The following FLNC variants were observed in gnomAD, a reference collection of about 807,000 sequenced individuals.
FLNC encodes filamin-C.
Under a neutral mutation model 254.3 loss-of-function variants are expected in FLNC, and 91 were observed. The observed-to-expected ratio is 0.36, with a 90% confidence interval of 0.30 to 0.43. The LOEUF (loss-of-function observed/expected upper bound fraction) is 0.43, where lower values mean the gene tolerates loss of function less well. FLNC is among the 20% of genes least tolerant of loss of function. FLNC has a pLI of 1.00. For missense variants in FLNC, 2,853 were observed against 3,802.6 expected (o/e 0.75, Z 6.57); for synonymous variants, 1,430 against 1,577.2 (o/e 0.91, Z 2.21).
intron 6 of FLNC, 21 bp downstream of exon 6, chr7:128,838,085 C>T: frequency 6.3e-7 from 1 of 1,595,762 alleles, no homozygotes; most frequent in East Asian, 2.2e-5. Context: ...CTAGGCCCCC[C>T]TGCCTGCGCT....
At position 128,842,288 on chromosome 7, in the gene FLNC, C is replaced by T. The variant is rs752627571; in HGVS notation, c.2179C>T (p.Arg727Cys). 22 of 1,613,854 alleles carry T rather than the reference C, an allele frequency of 1.4e-5. No individual in the cohort carries two copies. The highest frequency in any genetic ancestry group is 1.8e-5 in the Non-Finnish European group (21 of 1,179,992). The change falls in exon 14 of 48, where the codon CGC becomes TGC. Residue 727 changes from arginine (R) to cysteine (C), a missense_variant. Arg to Cys is a radical substitution (Grantham distance 180). This residue lies in a region of FLNC where 1,573 missense variants were observed against 1,883.5 expected (regional missense o/e 0.84). Coordinates refer to ENST00000325888, the MANE Select transcript of FLNC (RefSeq NM_001458.5). The surrounding 1 kb of genome is among the most constrained non-coding windows in gnomAD (Gnocchi z 5.4). ...KVIPNGDGTF[R>C]CSYVPTKPIK... ...GATCCCCAACGGCGACGGCACCTTC[C>T]GCTGCTCCTACGTGCCCACCAAGCC...
At position 128,830,778 on chromosome 7, in the gene FLNC, T is replaced by C. The variant is rs1331955110; in HGVS notation, c.141T>C (p.Asn47=). Residue 47 remains asparagine, a synonymous_variant, in exon 1 of 48, where the codon AAT becomes AAC. Coordinates refer to ENST00000325888, the MANE Select transcript of FLNC (RefSeq NM_001458.5). Reference sequence around the variant, plus strand: ...AGAACACATTCACGCGCTGGTGCAATGAGCACCTCAAGTGCGTGGGCAAGC... The same window carrying C: ...AGAACACATTCACGCGCTGGTGCAACGAGCACCTCAAGTGCGTGGGCAAGC... ...IQQNTFTRWC[N]EHLKCVGKRL... is the part of the protein sequence containing the mutation. 6.2e-6 allele frequency: 10 copies of C among 1,613,038 alleles called. No homozygotes were observed. Among genetic ancestry groups the C allele is most frequent in the South Asian group, 2.2e-5 (2 of 91,090 alleles).
chr7:128,850,993 G>T, intron 33 of FLNC, 50 bp downstream of exon 33: 1 of 1,594,108 alleles, frequency 6.3e-7, no homozygotes, highest in South Asian at 1.1e-5. Flanking sequence ...GGAGCAGGCC[G>T]TAGCTTCAGT....
In FLNC at chr7:128,837,488, C is replaced by T; in HGVS notation, c.790C>T (p.Pro264Ser). The change falls in exon 4 of 48, where the codon CCT (proline) becomes TCT (serine). Residue 264 changes from proline (P) to serine (S), a missense_variant. By Grantham distance (74) the Pro-to-Ser change is moderately conservative. Coordinates refer to ENST00000325888, the MANE Select transcript of FLNC (RefSeq NM_001458.5). ...CCAGTTCCCCAAGGCCAAGCTCAAA[C>T]CTGGTGCCCCTGTTCGATCCAAGCA... ...LSQFPKAKLK[P>S]GAPVRSKQLN... 1.2e-6 allele frequency: 2 copies of T among 1,614,216 alleles called. No individual in the cohort carries two copies. Among genetic ancestry groups the T allele is most frequent in the South Asian group, 1.1e-5 (1 of 91,086 alleles).
rs761448496 is a variant in FLNC at position 128,839,997 on chromosome 7, C to T, written c.1412-26C>T. 9.3e-6 allele frequency: 15 copies of T among 1,609,544 alleles called. No individual in the cohort carries two copies. The East Asian group carries it at 2.5e-4, about 26-fold the overall frequency. On this transcript the variant is annotated intron_variant, in intron 8 of 47. Transcript: ENST00000325888. ...GTGGTCCAAGGCCCCTCAGCACCCC[C>T]AACCTCCTTTCTCTTCCTCCCCTAG...
At chr7:128,851,084 C>A (rs1808789197) in intron 33 of FLNC, 141 bp downstream of exon 33, 1 of 1,513,334 alleles carries the variant, frequency 6.6e-7, no homozygotes, top group South Asian at 1.1e-5. Context: ...GAGGCTTATA[C>A]CCTGGTGGGA....
Position 128,853,498 on chromosome 7 carries a change from G to C in FLNC, c.6238G>C (p.Gly2080Arg), listed in dbSNP as rs1808912488. ...TGGGGGCTTGGGGCTGAGTATTGAA[G>C]GCCCAAGCAAGGTGGACATCAACTG... The part of the protein sequence containing the change: ...GYGGLGLSIE[G>R]PSKVDINCED... The change falls in exon 38 of 48, where the codon GGC becomes CGC. Residue 2080 changes from glycine (G) to arginine (R), a missense_variant. Around this residue, in one of 10 missense-constraint regions of FLNC, gnomAD observed 551 missense variants for 835.0 expected, o/e 0.66. Transcript: ENST00000325888. 1 of 1,614,096 alleles carries C rather than the reference G, an allele frequency of 6.2e-7. No homozygotes were observed. The highest frequency in any genetic ancestry group is 8.5e-7 in the Non-Finnish European group (1 of 1,180,028).
At chr7:128,840,514 T>C (rs1184280226) in intron 9 of FLNC, 34 bp from the exon 10 acceptor site, 2 of 1,614,002 alleles carry the variant, frequency 1.2e-6, no homozygotes, top group South Asian at 2.2e-5. Context: ...GATATTGATC[T>C]GCCTTCTTCC....
chr7:128,843,061 G>T, intron 16 of FLNC, 107 bp downstream of exon 16: 1 of 1,464,152 alleles, frequency 6.8e-7, no homozygotes, highest in Non-Finnish European at 9.4e-7. Context: ...CAGACATGGT[G>T]GAGCCCTACC....
In FLNC at chr7:128,858,688, G is replaced by C; in HGVS notation, c.*165G>C. ...GAAGGCCCAGCCTCCCCACCCCACC[G>C]CGCCCCAGGGGTTGGAGGACCTTGT... is the stretch of plus-strand genomic sequence containing the variant. On this transcript the variant is annotated 3_prime_UTR_variant, in exon 48 of 48. Coordinates refer to ENST00000325888, the MANE Select transcript of FLNC (RefSeq NM_001458.5). This position sits in a 1 kb window ranked among gnomAD's most constrained non-coding sequence, Gnocchi z 6.7. 1.5e-6 allele frequency: 1 copy of C among 645,644 alleles called. No individual in the cohort carries two copies. Among genetic ancestry groups the C allele is most frequent in the Non-Finnish European group, 2.8e-6 (1 of 360,238 alleles). 40.0% of individuals were successfully genotyped at this position (645,644 alleles called of 1,614,324 possible).
rs141066311 is a variant in FLNC, at chr7:128,832,479, G to T, written c.352+1490G>T. On this transcript the variant is annotated intron_variant, in intron 1 of 47. Coordinates refer to ENST00000325888, the MANE Select transcript of FLNC (RefSeq NM_001458.5). ...GTGGGGTCTGGGGGAAGAGCCGGAG[G>T]CTTCGGCAAGACATATAGGAAACCG... Among the ~76,000 whole-genome samples, 10 of 152,348 alleles carry T rather than the reference G, an allele frequency of 6.6e-5. No homozygotes were observed. In the East Asian group the frequency reaches 1.3e-3, roughly 21 times the overall value.
At position 128,840,688 on chromosome 7, in the gene FLNC, GC is replaced by G; in HGVS notation, c.1676+20del. 1.9e-6 allele frequency: 3 copies of G among 1,612,672 alleles called. No homozygotes were observed. The highest frequency in any genetic ancestry group is 2.5e-6 in the Non-Finnish European group (3 of 1,179,268). Reference sequence around the variant, plus strand: ...CATCCCTCGCAGGTGAGTACCTTGCGCCCCCCATGCTGTCCTGTCTAGGCCA... The same window carrying G: ...CATCCCTCGCAGGTGAGTACCTTGCGCCCCCATGCTGTCCTGTCTAGGCCA... On this transcript the variant is annotated intron_variant, in intron 10 of 47. Transcript: ENST00000325888.
intron 30 of FLNC, 41 bp downstream of exon 30, chr7:128,849,619 G>T (rs368858405): frequency 1.9e-6 from 3 of 1,607,632 alleles, no homozygotes; most frequent in Non-Finnish European, 2.6e-6. Context: ...GGCTGGGGAG[G>T]GGGGCCTGGC....
At chr7:128,839,650 T>G (rs1319143782) in intron 8 of FLNC, among the ~76,000 whole-genome samples, 1 of 152,230 alleles carries the variant, frequency 6.6e-6, no homozygotes, top group African/African-American at 2.4e-5. Flanking sequence ...CATTGCTGGA[T>G]GTTTTGTGGC....
Position 128,852,616 on chromosome 7 carries a change from G to T in FLNC, c.5868G>T (p.Gln1956His), listed in dbSNP as rs1808866943. The T allele has an allele frequency of 6.2e-7, 1 of 1,613,314 alleles. No individual in the cohort carries two copies. Among genetic ancestry groups the T allele is most frequent in the South Asian group, 1.1e-5 (1 of 91,082 alleles). ...ITGDDSMRTS[Q>H]LNVGTSTDVS... ...GTGATGACTCCATGAGGACCTCACAGCTGAATGTGGGCACCTCCACGGACG... is the reference window on the plus strand; with the variant it reads ...GTGATGACTCCATGAGGACCTCACATCTGAATGTGGGCACCTCCACGGACG... Residue 1956 changes from glutamine (Q) to histidine (H), a missense_variant, in exon 36 of 48, where the codon CAG becomes CAT. Physicochemically the swap from Gln to His is conservative, Grantham distance 24. This residue lies in a region of FLNC where 551 missense variants were observed against 835.0 expected (regional missense o/e 0.66). Transcript: ENST00000325888.
At chr7:128,845,958 C>G in intron 21 of FLNC, 32 bp from the exon 22 acceptor site, 1 of 1,610,386 alleles carries the variant, frequency 6.2e-7, no homozygotes, top group Non-Finnish European at 8.5e-7. Flanking sequence ...GCTGCCCCCA[C>G]CCCTGCTGAA....
At chr7:128,831,925 G>A (rs1807909072) in intron 1 of FLNC, among the ~76,000 whole-genome samples, 1 of 152,066 alleles carries the variant, frequency 6.6e-6, no homozygotes, top group Non-Finnish European at 1.5e-5. Flanking sequence ...GGGGGCCTGG[G>A]GAAGATCCCC....
rs1563000172 is a variant in FLNC at position 128,849,467 on chromosome 7, G to A, written c.5088G>A (p.Glu1696=). The change falls in exon 30 of 48, where the codon GAG becomes GAA. Residue 1696 remains glutamate, a synonymous_variant. Coordinates refer to ENST00000325888, the MANE Select transcript of FLNC (RefSeq NM_001458.5). ...DGAELDVDVV[E]NHDGTFDIYY... is the part of the protein sequence containing the mutation. Reference sequence around the variant, plus strand: ...CAGAGCTCGATGTGGATGTGGTTGAGAACCATGACGGTACCTTTGACATCT... The same window carrying A: ...CAGAGCTCGATGTGGATGTGGTTGAAAACCATGACGGTACCTTTGACATCT... The A allele has an allele frequency of 6.2e-7, 1 of 1,614,242 alleles. No homozygotes were observed. Among genetic ancestry groups the A allele is most frequent in the East Asian group, 2.2e-5 (1 of 44,886 alleles).
At chr7:128,850,108 C>T (rs1401180059) in intron 31 of FLNC, 34 bp downstream of exon 31, 2 of 1,440,472 alleles carry the variant, frequency 1.4e-6, no homozygotes, top group Non-Finnish European at 1.9e-6. Flanking sequence ...TGTCCTCCTC[C>T]TCCTCCCCTT....
Sources: allele counts gnomAD v4.1 joint callset (sites outside exome capture counted in the v4.1 genomes callset), GRCh38; gene constraint gnomAD v4.1.1; regional missense constraint gnomAD v4.1.1; non-coding constraint Gnocchi (gnomAD v3.1); transcripts MANE v1.5; gene names NCBI Gene and HGNC (gene_info 2026-07-23, HGNC 2026-07-21).